The following MATN2 variants were observed in gnomAD, a reference collection of about 807,000 sequenced individuals.
MATN2 encodes the protein matrilin-2.
A neutral mutation model predicts 103.2 loss-of-function variants in MATN2; 69 were observed. The ratio of observed to expected loss-of-function variants is 0.67; its 90% confidence interval spans 0.55 to 0.82. The LOEUF is 0.82. Among genes scored for constraint, MATN2 ranks in the 40% least tolerant of loss-of-function variants. MATN2 has a pLI of 0.00. For missense variants in MATN2, 1,023 were observed against 1,211.5 expected (o/e 0.84, Z 2.31); for synonymous variants, 429 against 450.2 (o/e 0.95, Z 0.60).
chr8:98,013,653 C>T (rs1465222545), intron 10 of MATN2, among the ~76,000 whole-genome samples: 3 of 152,194 alleles, frequency 2.0e-5, no homozygotes, highest in Admixed American at 2.0e-4. Context: ...GACTGTCTTA[C>T]ATTGTTGGTG....
In MATN2 at chr8:97,929,472, G is replaced by A. The variant is rs73276389; in HGVS notation, c.143-1481G>A. 1.6e-3 allele frequency among the ~76,000 whole-genome samples: 238 copies of A among 152,234 alleles called. 1 individual carries two copies. Among genetic ancestry groups the A allele is most frequent in the African/African-American group, 4.7e-3 (196 of 41,544 alleles). On this transcript the variant is annotated intron_variant, in intron 2 of 18. Transcript: ENST00000254898. The stretch of plus-strand genomic sequence containing the variant: ...TGAAAGGCAGTAGCTCAGAATATCC[G>A]AGAAACTCCCAACAGGAATGCCCAG...
chr8:98,018,053 G>A lies in MATN2; in HGVS notation c.1756G>A (p.Asp586Asn), dbSNP rs75614624. The part of the protein sequence containing the change: ...GCEHICVNSD[D>N]SYTCECLEGF... ...TGAACACATTTGTGTGAACAGTGAT[G>A]ACTCATACACGTGCGAGTGCTTGGA... The change falls in exon 12 of 19, where the codon GAC becomes AAC. Residue 586 changes from aspartate (D) to asparagine (N), a missense_variant. By Grantham distance (23) the Asp-to-Asn change is conservative. Transcript: ENST00000254898. The A allele has an allele frequency of 1.6e-3, 2,637 of 1,613,840 alleles. 47 individuals are homozygous for A. In the African/African-American group the frequency reaches 0.031, roughly 19 times the overall value.
intron 2 of MATN2, among the ~76,000 whole-genome samples, chr8:97,909,500 G>T (rs2130063860): frequency 6.6e-6 from 1 of 152,244 alleles, no homozygotes; most frequent in African/African-American, 2.4e-5. Flanking sequence ...GATGAGTCGG[G>T]GGAAGGCCTC....
At chr8:97,950,134 A>G (rs1023597347) in intron 4 of MATN2, among the ~76,000 whole-genome samples, 5 of 152,284 alleles carry the variant, frequency 3.3e-5, no homozygotes, top group African/African-American at 1.2e-4. Flanking sequence ...TGTACACTTG[A>G]AGTATGTACA....
intron 3 of MATN2, among the ~76,000 whole-genome samples, chr8:97,939,503 C>T (rs1197330805): frequency 6.6e-6 from 1 of 152,112 alleles, no homozygotes; most frequent in Non-Finnish European, 1.5e-5. Context: ...ACATCTGCAC[C>T]AGGCAACACA....
chr8:97,935,550 C>T (rs1810345421), intron 3 of MATN2, among the ~76,000 whole-genome samples: 1 of 152,192 alleles, frequency 6.6e-6, no homozygotes, highest in Non-Finnish European at 1.5e-5. Flanking sequence ...TAGGGTCTCA[C>T]TCTGTCACCC....
At chr8:98,017,384 A>G (rs1428661668) in intron 11 of MATN2, among the ~76,000 whole-genome samples, 1 of 152,224 alleles carries the variant, frequency 6.6e-6, no homozygotes, top group Non-Finnish European at 1.5e-5. Flanking sequence ...CTTAGAGTGA[A>G]TTGCTGGTGT....
Position 98,000,604 on chromosome 8 carries a change from A to AAAAAAAAAAAAAAAAAAAAAAAG in MATN2, c.1205-3051_1205-3050insAAAAAAAAAAAAAAAAGAAAAAA, listed in dbSNP as rs1554613598. ...AGAGCGAGACTCCGTCTCAAAAAAA[A>AAAAAAAAAAAAAAAAAAAAAAAG]AAAAAAGAAATATGGTTAACAATCA... is the stretch of plus-strand genomic sequence containing the variant. On this transcript the variant is annotated intron_variant, in intron 7 of 18. Coordinates refer to ENST00000254898, the MANE Select transcript of MATN2 (RefSeq NM_002380.5). 5.3e-4 allele frequency among the ~76,000 whole-genome samples: 68 copies of AAAAAAAAAAAAAAAAAAAAAAAG among 127,158 alleles called. 2 individuals carry two copies. Among genetic ancestry groups the AAAAAAAAAAAAAAAAAAAAAAAG allele is most frequent in the Non-Finnish European group, 6.7e-4 (40 of 59,956 alleles). 83.4% of individuals were successfully genotyped at this position (127,158 alleles called of 152,430 possible). A position where few individuals can be genotyped will look rare whatever the true frequency, so the allele number is the denominator to read the frequency against.
intron 10 of MATN2, among the ~76,000 whole-genome samples, chr8:98,014,326 T>A (rs1813284468): frequency 6.6e-6 from 1 of 152,102 alleles, no homozygotes; most frequent in Non-Finnish European, 1.5e-5. Context: ...TCCATGGCCA[T>A]CCAGTTGTCT....
intron 4 of MATN2, among the ~76,000 whole-genome samples, chr8:97,960,792 A>G (rs1011138032): frequency 6.6e-6 from 1 of 152,002 alleles, no homozygotes; most frequent in Non-Finnish European, 1.5e-5. Context: ...AGTAATTCCA[A>G]CTTTGAAAAA....
intron 10 of MATN2, 91 bp from the exon 11 acceptor site, chr8:98,016,447 CAA>C: frequency 8.7e-7 from 1 of 1,148,336 alleles, no homozygotes; most frequent in Non-Finnish European, 1.3e-6. Context: ...TGTTTTAATT[CAA>C]AGTGTCTGAA....
intron 4 of MATN2, among the ~76,000 whole-genome samples, chr8:97,943,983 G>A (rs1184306860): frequency 6.6e-6 from 1 of 152,190 alleles, no homozygotes; most frequent in East Asian, 1.9e-4. Context: ...CCTGCCACAG[G>A]CCCTGATGTC....
At chr8:97,992,845 G>C (rs1812441063) in intron 6 of MATN2, among the ~76,000 whole-genome samples, 1 of 151,150 alleles carries the variant, frequency 6.6e-6, no homozygotes. Context: ...GCTTGAACCT[G>C]GGAGGTGGAG....
intron 2 of MATN2, among the ~76,000 whole-genome samples, chr8:97,917,602 C>T (rs1023691898): frequency 6.6e-6 from 1 of 152,178 alleles, no homozygotes; most frequent in African/African-American, 2.4e-5. Context: ...CCCCAACTTC[C>T]TTTTCCCAAG....
At chr8:97,997,470 T>C (rs1406850776) in intron 7 of MATN2, among the ~76,000 whole-genome samples, 1 of 152,218 alleles carries the variant, frequency 6.6e-6, no homozygotes, top group Non-Finnish European at 1.5e-5. Context: ...TGATCTTTCA[T>C]GGTTTCAGTC....
At chr8:97,981,604 C>A (rs938551325) in intron 6 of MATN2, among the ~76,000 whole-genome samples, 1 of 152,150 alleles carries the variant, frequency 6.6e-6, no homozygotes, top group African/African-American at 2.4e-5. Flanking sequence ...AGGACCACAG[C>A]AGGAGTTAGA....
In MATN2 at chr8:97,931,425, G is replaced by A. The variant is rs746706997; in HGVS notation, c.615G>A (p.Lys205=). The A allele has an allele frequency of 3.1e-6, 5 of 1,613,768 alleles. 1 individual carries two copies. The Admixed American group carries it at 6.7e-5, about 22-fold the overall frequency. ...GVGQVDFNTL[K]SIGSEPHEDH... ...GCCAGGTAGACTTCAACACCTTGAA[G>A]TCCATTGGGAGTGAGCCCCATGAGG... Residue 205 remains lysine, a synonymous_variant, in exon 3 of 19, where the codon AAG becomes AAA. Coordinates refer to ENST00000254898, the MANE Select transcript of MATN2 (RefSeq NM_002380.5). This position sits in a 1 kb window ranked among gnomAD's most constrained non-coding sequence, Gnocchi z 4.1.
chr8:97,895,566 T>G (rs1226707768), intron 2 of MATN2, among the ~76,000 whole-genome samples: 1 of 152,200 alleles, frequency 6.6e-6, no homozygotes, highest in Non-Finnish European at 1.5e-5. Flanking sequence ...CTCTCTGCCT[T>G]ACATTCCAAG....
At chr8:98,028,221 T>C (rs1813882427) in intron 14 of MATN2, among the ~76,000 whole-genome samples, 1 of 152,254 alleles carries the variant, frequency 6.6e-6, no homozygotes, top group African/African-American at 2.4e-5. Flanking sequence ...GAACTTTTAC[T>C]GTGTATATTT....
Sources: gnomAD v4.1 joint callset for allele counts (sites outside exome capture counted in the v4.1 genomes callset) on GRCh38, gnomAD v4.1.1 for gene constraint, Gnocchi (gnomAD v3.1) non-coding constraint, MANE v1.5 for transcripts, NCBI Gene and HGNC (gene_info 2026-07-23, HGNC 2026-07-21) for gene names.